The following RNASE11 variants were observed in gnomAD, a reference collection of about 807,000 sequenced individuals.
RNASE11 encodes putative inactive ribonuclease 11.
For missense variants in RNASE11, 252 were observed against 237.8 expected, an observed-to-expected ratio of 1.06 and a Z score of -0.39; for synonymous variants, 105 against 86.1, an observed-to-expected ratio of 1.22 and a Z score of -1.21.
upstream of RNASE11, among the ~76,000 whole-genome samples, chr14:20,589,631 T>G (rs12100810): frequency 6.6e-6 from 1 of 152,092 alleles, no homozygotes; most frequent in Non-Finnish European, 1.5e-5. Flanking sequence ...TCACGCCTGT[T>G]ATCCCAGCAC....
chr14:20,589,235 A>G (rs930268811), upstream of RNASE11, among the ~76,000 whole-genome samples: 3 of 151,028 alleles, frequency 2.0e-5, no homozygotes, highest in Non-Finnish European at 4.4e-5. Context: ...TTTGTGATAG[A>G]TATTTTGAGC....
At chr14:20,584,108 T>C (rs947145948) in exon 2 of RNASE11, 4 of 1,614,190 alleles carry the variant, frequency 2.5e-6, no homozygotes, top group Non-Finnish European at 3.4e-6. Context: ...TCTGTGGAGC[T>C]GCGGATGAAG....
At chr14:20,584,307 G>T (rs368278395) in exon 2 of RNASE11, 1 of 1,613,956 alleles carries the variant, frequency 6.2e-7, no homozygotes, top group South Asian at 1.1e-5. Context: ...TAACTAACAG[G>T]ATCGGGTTCA....
At chr14:20,583,851 C>G (rs1376009609) in exon 2 of RNASE11, 1 of 1,575,258 alleles carries the variant, frequency 6.3e-7, no homozygotes, top group African/African-American at 1.4e-5. Context: ...TTAGTAAGAC[C>G]CTAGTCCTAA....
At chr14:20,587,116 G>A (rs1384724303) in intron 1 of RNASE11, among the ~76,000 whole-genome samples, 1 of 152,164 alleles carries the variant, frequency 6.6e-6, no homozygotes, top group African/African-American at 2.4e-5. Flanking sequence ...TCACACAACT[G>A]CACTCCATCC....
At chr14:20,590,185 C>A, upstream of RNASE11, 1 of 1,532,204 alleles carries the variant, frequency 6.5e-7, no homozygotes, top group Non-Finnish European at 8.7e-7. Context: ...CCGCTCAAGG[C>A]ATTGCCCCAT....
rs760871375 is a variant in RNASE11, at chr14:20,584,311, G to A, written c.164C>T (p.Pro55Leu). 18 of 1,613,934 alleles carry A rather than the reference G, an allele frequency of 1.1e-5. No individual in the cohort carries two copies. Among genetic ancestry groups the A allele is most frequent in the South Asian group, 8.8e-5 (8 of 91,072 alleles). Residue 55 changes from proline (P) to leucine (L), a missense_variant, in exon 2 of 2, where the codon CCG becomes CTG. Coordinates refer to ENST00000553849, the Ensembl canonical transcript of RNASE11. ...GCTGGTATTTTTAACTAACAGGATC[G>A]GGTTCATTAATATCTCAATGGTCTG...
At chr14:20,583,260 C>A (rs913366501), downstream of RNASE11, 1 of 152,264 alleles carries the variant, frequency 6.6e-6, no homozygotes, top group Non-Finnish European at 1.5e-5. Flanking sequence ...ATTTTCTTCT[C>A]TTTACAGCAA....
At chr14:20,587,877 C>G (rs986995933), upstream of RNASE11, 1 of 980,734 alleles carries the variant, frequency 1.0e-6, no homozygotes, top group African/African-American at 1.8e-5. Context: ...TTTGACATGA[C>G]CTTGAACTAA....
At chr14:20,586,228 T>C (rs79464331) in intron 1 of RNASE11, among the ~76,000 whole-genome samples, 2,537 of 152,298 alleles carry the variant, frequency 0.017, 65 homozygotes, top group African/African-American at 0.058. Context: ...ACTCTTTTTT[T>C]AATATACCCT....
At chr14:20,584,409 T>C (rs1237400539) in exon 2 of RNASE11, 2 of 1,613,706 alleles carry the variant, frequency 1.2e-6, no homozygotes, top group Admixed American at 1.7e-5. Context: ...TTATCTTCAT[T>C]GTGCTTTCTG....
At chr14:20,589,965 A>C (rs1327631336), upstream of RNASE11, among the ~76,000 whole-genome samples, 2 of 152,198 alleles carry the variant, frequency 1.3e-5, no homozygotes, top group African/African-American at 4.8e-5. Context: ...GTGCCCTCTT[A>C]AGTTTTGCAC....
upstream of RNASE11, chr14:20,587,735 C>T (rs1884466112): frequency 1.1e-5 from 11 of 985,272 alleles, no homozygotes; most frequent in South Asian, 4.7e-5. Flanking sequence ...TAAGCGTTGC[C>T]TACTCACAAG....
At chr14:20,585,143 G>A (rs1884408611) in intron 1 of RNASE11, 1 of 945,428 alleles carries the variant, frequency 1.1e-6, no homozygotes, top group Non-Finnish European at 1.3e-6. Context: ...GAGGGAAGGA[G>A]GGGCAACAGA....
upstream of RNASE11, chr14:20,590,132 A>T (rs1423052704): frequency 7.2e-7 from 1 of 1,389,124 alleles, no homozygotes; most frequent in Non-Finnish European, 9.5e-7. Flanking sequence ...ATCCCAACCC[A>T]GCAATACAGG....
In RNASE11 at chr14:20,583,990, G is replaced by GGGGAA; in HGVS notation, c.484_485insTTCCC (p.Thr162IlefsTer18). 4 of 1,614,186 alleles carry GGGGAA rather than the reference G, an allele frequency of 2.5e-6. No homozygotes were observed. Among genetic ancestry groups the GGGGAA allele is most frequent in the Non-Finnish European group, 3.4e-6 (4 of 1,180,016 alleles). On this transcript the variant is annotated frameshift_variant, in exon 2 of 2. Transcript: ENST00000553849. LOFTEE classifies it low-confidence loss of function (END_TRUNC). Reference sequence around the variant, plus strand: ...TTGGCACCTGGGGAATTGTTTGCCTGTAGTGAACTGGCACACTGTATTTTC... The same window carrying GGGGAA: ...TTGGCACCTGGGGAATTGTTTGCCTGGGGAATAGTGAACTGGCACACTGTATTTTC...
exon 2 of RNASE11, chr14:20,584,122 T>G: frequency 6.2e-7 from 1 of 1,614,210 alleles, no homozygotes; most frequent in Non-Finnish European, 8.5e-7. Context: ...GATGAAGTTA[T>G]TGCTCCACTT....
chr14:20,584,057 C>T (rs375334814), exon 2 of RNASE11: 20 of 1,614,090 alleles, frequency 1.2e-5, no homozygotes, highest in Non-Finnish European at 1.5e-5. Context: ...GGATTCTGTA[C>T]AAACTTGCAG....
intron 1 of RNASE11, among the ~76,000 whole-genome samples, 182 bp downstream of exon 2, chr14:20,587,381 G>A (rs1444458385): frequency 6.6e-6 from 1 of 152,046 alleles, no homozygotes; most frequent in African/African-American, 2.4e-5. Context: ...GGTGAAGAAG[G>A]GGAGAAAAAG....
Sources: allele counts gnomAD v4.1 joint callset (sites outside exome capture counted in the v4.1 genomes callset), GRCh38; gene constraint gnomAD v4.1.1; transcripts MANE v1.5; gene names NCBI Gene and HGNC (gene_info 2026-07-23, HGNC 2026-07-21).